PRDM11: variants seen among roughly 807,000 people sequenced by gnomAD.
PRDM11 encodes the protein PR domain-containing protein 11.
PRDM11 carries 20 observed loss-of-function variants against 97.8 expected under a neutral mutation model. The ratio of observed to expected loss-of-function variants is 0.20; its 90% CI spans 0.14 to 0.30. PRDM11 has a LOEUF of 0.30. Among genes scored for constraint, PRDM11 ranks in the 10% least tolerant of loss-of-function variants. The pLI is 1.00. For synonymous variants in PRDM11, 599 were observed against 637.7 expected, an observed-to-expected ratio of 0.94 and a Z score of 0.91; for missense variants, 1,139 against 1,555.2, an observed-to-expected ratio of 0.73 and a Z score of 4.50.
At position 45,190,006 on chromosome 11, in the gene PRDM11, G is replaced by A. The variant is rs200472452; in HGVS notation, c.486+6883G>A. ...TCTTTATTTTGAAAGTTGCAAACTC[G>A]GTTGAAAAGTTGCAAGAATAGTGTA... On this transcript the variant is annotated intron_variant, in intron 4 of 7. Coordinates refer to ENST00000683152, the MANE Select transcript of PRDM11 (RefSeq NM_001384648.1). Among the ~76,000 whole-genome samples the A allele has an allele frequency of 4.6e-5, 7 of 152,016 alleles. No individual in the cohort carries two copies. The East Asian group carries it at 1.4e-3, about 29-fold the overall frequency.
In PRDM11 at chr11:45,114,645, AAG is replaced by A. The variant is rs766964923; in HGVS notation, c.96+18752_96+18753del. Among the ~76,000 whole-genome samples the A allele has an allele frequency of 4.1e-4, 63 of 152,178 alleles. 1 individual carries two copies. Among genetic ancestry groups the A allele is most frequent in the Non-Finnish European group, 5.7e-4 (39 of 68,010 alleles). On this transcript the variant is annotated intron_variant, in intron 1 of 6. Transcript: ENST00000530656. ...TAGGCACATCATAGTCTAAAGATCA[AAG>A]AGAGAGAAAATCTTGAAAGCAGCCA...
intron 1 of PRDM11, among the ~76,000 whole-genome samples, chr11:45,115,040 C>T (rs565356597): frequency 2.6e-5 from 4 of 151,880 alleles, no homozygotes; most frequent in South Asian, 2.1e-4. Flanking sequence ...ACATGTAAAT[C>T]GTTATAAAGG....
chr11:45,204,755 C>A lies in PRDM11; in HGVS notation c.531C>A (p.Asp177Glu). The change falls in exon 5 of 8, where the codon GAC becomes GAA. Residue 177 changes from aspartate to glutamate, a missense_variant. By Grantham distance (45) the Asp-to-Glu change is conservative. This residue lies in a region of PRDM11 where 429 missense variants were observed against 510.3 expected (regional missense o/e 0.84). Coordinates refer to ENST00000683152, the MANE Select transcript of PRDM11 (RefSeq NM_001384648.1). ...GCTATAAGTCCATAGATGGCTCAGACGAGACCAAAGCCAACTGGATGAGGT... is the reference window on the plus strand; with the variant it reads ...GCTATAAGTCCATAGATGGCTCAGAAGAGACCAAAGCCAACTGGATGAGGT... ...NNRYKSIDGS[D>E]ETKANWMRYV... is the part of the protein sequence containing the mutation. 1.9e-6 allele frequency: 3 copies of A among 1,612,910 alleles called. No homozygotes were observed. Among genetic ancestry groups the A allele is most frequent in the Non-Finnish European group, 2.5e-6 (3 of 1,178,944 alleles).
chr11:45,201,749 C>T lies in PRDM11; in HGVS notation c.487-2962C>T, dbSNP rs531399622. On this transcript the variant is annotated intron_variant, in intron 4 of 7. Transcript: ENST00000683152. ...TTGGGAGGCCGAGGTGGGCGGATCA[C>T]GAGGTCAGGAGATCAAGACCATCCT... Among the ~76,000 whole-genome samples the T allele has an allele frequency of 7.2e-5, 11 of 152,122 alleles. No individual in the cohort carries two copies. In the East Asian group the frequency reaches 1.5e-3, roughly 21 times the overall value.
At chr11:45,115,456 T>A (rs936760338) in intron 1 of PRDM11, among the ~76,000 whole-genome samples, 1 of 151,060 alleles carries the variant, frequency 6.6e-6, no homozygotes, top group Non-Finnish European at 1.5e-5. Flanking sequence ...TACTCAACTA[T>A]GTCAATAATT....
At chr11:45,191,605 A>G (rs1312909456) in intron 4 of PRDM11, among the ~76,000 whole-genome samples, 2 of 152,044 alleles carry the variant, frequency 1.3e-5, no homozygotes, top group Admixed American at 1.3e-4. Context: ...ACGCTTTCAA[A>G]CTGGCTCCTT....
chr11:45,095,135 A>G (rs183000248), upstream of PRDM11, among the ~76,000 whole-genome samples: 126 of 152,252 alleles, frequency 8.3e-4, no homozygotes, highest in African/African-American at 3.0e-3. Flanking sequence ...GCTGGGAACA[A>G]TAGGGAGCTG....
At chr11:45,144,578 C>T (rs764982291), upstream of PRDM11, among the ~76,000 whole-genome samples, 14 of 152,206 alleles carry the variant, frequency 9.2e-5, no homozygotes, top group Non-Finnish European at 1.3e-4. Context: ...GGACCACTCC[C>T]CTCCTTTATC....
intron 4 of PRDM11, among the ~76,000 whole-genome samples, chr11:45,197,765 G>A (rs60749877): frequency 0.011 from 1,616 of 152,112 alleles, 31 homozygotes; most frequent in African/African-American, 0.038. Flanking sequence ...GCAAACTATC[G>A]CAAGGACAGA....
chr11:45,168,823 C>A (rs183896213), intron 1 of PRDM11, among the ~76,000 whole-genome samples: 3 of 152,204 alleles, frequency 2.0e-5, no homozygotes, highest in African/African-American at 7.2e-5. Flanking sequence ...CTCTTTCAGT[C>A]GTGATCTTCC....
At chr11:45,100,215 G>A (rs1160426408) in intron 1 of PRDM11, among the ~76,000 whole-genome samples, 6 of 152,130 alleles carry the variant, frequency 3.9e-5, no homozygotes, top group African/African-American at 1.4e-4. Flanking sequence ...GAGTAATTAA[G>A]AGCAATCCCT....
intron 1 of PRDM11, among the ~76,000 whole-genome samples, chr11:45,120,347 AC>A (rs1852402649): frequency 6.6e-6 from 1 of 152,232 alleles, no homozygotes; most frequent in Non-Finnish European, 1.5e-5. Context: ...TTTTCCAAAT[AC>A]CACAGATTTA....
At chr11:45,175,473 A>C (rs978255511) in intron 1 of PRDM11, among the ~76,000 whole-genome samples, 1 of 152,248 alleles carries the variant, frequency 6.6e-6, no homozygotes, top group Non-Finnish European at 1.5e-5. Context: ...TTTCATGTCA[A>C]TAAATATTCC....
chr11:45,113,111 C>A (rs1852220181), intron 1 of PRDM11, among the ~76,000 whole-genome samples: 1 of 152,174 alleles, frequency 6.6e-6, no homozygotes, highest in Non-Finnish European at 1.5e-5. Flanking sequence ...TTTGATCCAC[C>A]ATGAATCGAT....
At chr11:45,101,678 GGAA>G (rs1439206836) in intron 1 of PRDM11, among the ~76,000 whole-genome samples, 19 of 139,844 alleles carry the variant, frequency 1.4e-4, no homozygotes, top group East Asian at 4.4e-4. Flanking sequence ...GCTGAGCGGA[GGAA>G]GAAGAAGGCG....
chr11:45,208,571 G>T (rs61880320), intron 5 of PRDM11, among the ~76,000 whole-genome samples: 17,234 of 152,200 alleles, frequency 0.11, 1,398 homozygotes, highest in Admixed American at 0.27. Flanking sequence ...GGGAGAATAA[G>T]GTGTGAAAGG....
chr11:45,169,051 C>G (rs1230118341), intron 1 of PRDM11, among the ~76,000 whole-genome samples: 3 of 152,160 alleles, frequency 2.0e-5, no homozygotes, highest in African/African-American at 7.2e-5. Flanking sequence ...GGGAGGAGCC[C>G]CCTCTGCCTG....
At chr11:45,106,080 A>C (rs1043880557) in intron 1 of PRDM11, among the ~76,000 whole-genome samples, 3 of 152,088 alleles carry the variant, frequency 2.0e-5, no homozygotes, top group African/African-American at 7.2e-5. Flanking sequence ...GGGCTCACCC[A>C]CGCCTGAACT....
At chr11:45,100,942 G>C (rs1446607526) in intron 1 of PRDM11, among the ~76,000 whole-genome samples, 2 of 152,212 alleles carry the variant, frequency 1.3e-5, no homozygotes, top group Admixed American at 1.3e-4. Context: ...AGCAGAGATG[G>C]AATCTGCACC....
Sources: allele counts gnomAD v4.1 joint callset (sites outside exome capture counted in the v4.1 genomes callset), GRCh38; gene constraint gnomAD v4.1.1; regional missense constraint gnomAD v4.1.1; transcripts MANE v1.5; gene names NCBI Gene and HGNC (gene_info 2026-07-23, HGNC 2026-07-21).